Variants in PPP1R1C observed in about 807,000 individuals in gnomAD.
PPP1R1C encodes protein phosphatase 1 regulatory inhibitor subunit 1C, also known as protein phosphatase 1 regulatory subunit 1C.
PPP1R1C carries 15 observed loss-of-function variants against 17.4 expected under a neutral mutation model. The ratio of observed to expected loss-of-function variants is 0.86; its 90% CI spans 0.58 to 1.33. The LOEUF (loss-of-function observed/expected upper bound fraction) is 1.33. Among genes scored for constraint, PPP1R1C ranks in the 40% most tolerant of loss-of-function variants. PPP1R1C has a pLI of 0.00. For synonymous variants in PPP1R1C, 35 were observed against 43.1 expected (o/e 0.81, Z 0.73); for missense variants, 143 against 130.0 (o/e 1.10, Z -0.48).
In PPP1R1C at chr2:182,040,669, T is replaced by C. The variant is rs141258030; in HGVS notation, c.143-20773T>C. The stretch of plus-strand genomic sequence containing the variant: ...AGCTTTTTGGTTTAAATAAATCCCA[T>C]TTATATATTTTTGTTTTTGTTGCAT... On this transcript the variant is annotated intron_variant, in intron 2 of 4. Coordinates refer to ENST00000682840, the MANE Select transcript of PPP1R1C (RefSeq NM_001080545.3). Among the ~76,000 whole-genome samples, 174 of 152,318 alleles carry C rather than the reference T, an allele frequency of 1.1e-3. 4 individuals carry two copies. The East Asian group carries it at 0.024, about 21-fold the overall frequency.
At chr2:181,996,446 G>A (rs1685615138) in intron 2 of PPP1R1C, among the ~76,000 whole-genome samples, 1 of 152,132 alleles carries the variant, frequency 6.6e-6, no homozygotes. Context: ...GTTGGAAAAT[G>A]TTACACCTAT....
At chr2:182,111,440 T>A (rs1446849111) in intron 4 of PPP1R1C, among the ~76,000 whole-genome samples, 1 of 152,166 alleles carries the variant, frequency 6.6e-6, no homozygotes, top group Admixed American at 6.6e-5. Context: ...TGTCTACATA[T>A]AATTTACGTC....
At chr2:181,998,813 A>G (rs1328185839) in intron 2 of PPP1R1C, among the ~76,000 whole-genome samples, 1 of 152,178 alleles carries the variant, frequency 6.6e-6, no homozygotes, top group Non-Finnish European at 1.5e-5. Context: ...AAGAATATCC[A>G]CTCTTTCTTC....
chr2:182,066,994 G>A (rs530140591), intron 4 of PPP1R1C, among the ~76,000 whole-genome samples: 1 of 149,194 alleles, frequency 6.7e-6, no homozygotes, highest in East Asian at 2.0e-4. Context: ...GTGTGTGTGT[G>A]TTTTACTGGA....
intron 2 of PPP1R1C, among the ~76,000 whole-genome samples, chr2:182,037,083 A>T (rs559977682): frequency 6.6e-6 from 1 of 152,338 alleles, no homozygotes; most frequent in South Asian, 2.1e-4. Flanking sequence ...CATATACATA[A>T]AATAGCTTTT....
intron 2 of PPP1R1C, among the ~76,000 whole-genome samples, chr2:182,017,853 G>C (rs1343912572): frequency 1.3e-5 from 2 of 152,030 alleles, no homozygotes; most frequent in Non-Finnish European, 2.9e-5. Flanking sequence ...TGTTGAAAAA[G>C]CTCTAGATTT....
intron 4 of PPP1R1C, among the ~76,000 whole-genome samples, chr2:182,076,703 A>G (rs943936102): frequency 6.6e-6 from 1 of 152,160 alleles, no homozygotes; most frequent in Non-Finnish European, 1.5e-5. Flanking sequence ...ATTTTCTTCA[A>G]AATACTTTTC....
intron 2 of PPP1R1C, among the ~76,000 whole-genome samples, chr2:182,045,176 T>C (rs1280122073): frequency 2.0e-5 from 3 of 152,196 alleles, no homozygotes; most frequent in South Asian, 2.1e-4. Flanking sequence ...TGCATGAAGG[T>C]TAAGATTTTC....
intron 2 of PPP1R1C, among the ~76,000 whole-genome samples, chr2:182,008,414 G>C (rs2125153633): frequency 6.6e-6 from 1 of 152,262 alleles, no homozygotes; most frequent in East Asian, 1.9e-4. Context: ...GTAGTGTAAA[G>C]CAAGAAGGTT....
intron 4 of PPP1R1C, among the ~76,000 whole-genome samples, chr2:182,077,202 G>T (rs1265897101): frequency 6.7e-6 from 1 of 149,670 alleles, no homozygotes. Flanking sequence ...TTTCAGATAT[G>T]TAAACATTGC....
intron 2 of PPP1R1C, among the ~76,000 whole-genome samples, chr2:182,025,297 C>T (rs1283907128): frequency 2.4e-4 from 34 of 143,438 alleles, no homozygotes; most frequent in East Asian, 1.6e-3. Context: ...CATGCTGGTG[C>T]GCTGCACCCA....
intron 4 of PPP1R1C, among the ~76,000 whole-genome samples, chr2:182,099,533 A>T (rs891797698): frequency 4.6e-5 from 7 of 152,218 alleles, no homozygotes; most frequent in Non-Finnish European, 1.0e-4. Flanking sequence ...AATTTAGGCA[A>T]GTGGGAGAAT....
At chr2:182,004,657 G>A (rs1013888419) in intron 2 of PPP1R1C, among the ~76,000 whole-genome samples, 2 of 152,208 alleles carry the variant, frequency 1.3e-5, no homozygotes, top group Admixed American at 1.3e-4. Context: ...TGCCATGTTG[G>A]CAGGCATTGT....
In PPP1R1C at chr2:181,961,782, CA is replaced by C. The variant is rs911251430; in HGVS notation, n.111+7150del. 15 of 1,314,806 alleles carry C rather than the reference CA, an allele frequency of 1.1e-5. No individual in the cohort carries two copies. The highest frequency in any genetic ancestry group is 1.6e-5 in the Non-Finnish European group (15 of 919,392). The allele number at this position is 1,314,806 out of a possible 1,614,324, so 81.4% of individuals were successfully genotyped here. A position where few individuals can be genotyped will look rare whatever the true frequency, so the allele number is the denominator to read the frequency against. Reference sequence around the variant, plus strand: ...ATTTGGGGGCATCTACCTCCACGGTCAACTCAGAGCTGGCAATCTGGGCTTG... The same window carrying C: ...ATTTGGGGGCATCTACCTCCACGGTCACTCAGAGCTGGCAATCTGGGCTTG... On this transcript the variant is annotated intron_variant and non_coding_transcript_variant, in intron 1 of 5. Coordinates refer to the PPP1R1C transcript ENST00000464264. This position sits in a 1 kb window ranked among gnomAD's most constrained non-coding sequence, Gnocchi z 5.8.
chr2:181,985,453 A>G (rs1023923109), upstream of PPP1R1C, among the ~76,000 whole-genome samples: 4 of 152,200 alleles, frequency 2.6e-5, no homozygotes, highest in African/African-American at 9.6e-5. The surrounding 1 kb of genome is among the most constrained non-coding windows in gnomAD (Gnocchi z 4.1). Flanking sequence ...TCTGCCTCCT[A>G]GGATGAGTTT....
chr2:182,009,242 C>A (rs1686018190), intron 2 of PPP1R1C, among the ~76,000 whole-genome samples: 1 of 152,082 alleles, frequency 6.6e-6, no homozygotes, highest in Admixed American at 6.5e-5. Context: ...TTTACATTCC[C>A]ACCAGCAGCA....
At chr2:182,107,788 T>C (rs1264553141) in intron 4 of PPP1R1C, among the ~76,000 whole-genome samples, 1 of 152,162 alleles carries the variant, frequency 6.6e-6, no homozygotes, top group African/African-American at 2.4e-5. Context: ...GCTTGCTTTC[T>C]ACTTTGAGAA....
downstream of PPP1R1C, among the ~76,000 whole-genome samples, chr2:182,119,845 A>AT (rs1490422158): frequency 2.6e-5 from 4 of 152,040 alleles, no homozygotes; most frequent in Admixed American, 2.6e-4. Flanking sequence ...ATGTTCTCCC[A>AT]TTTTGTAGGT....
chr2:182,078,104 C>A (rs565354403), intron 4 of PPP1R1C, among the ~76,000 whole-genome samples: 2 of 152,102 alleles, frequency 1.3e-5, no homozygotes, highest in Non-Finnish European at 2.9e-5. Flanking sequence ...CGCTTGAGCC[C>A]GGGTGGCAGA....
Sources: gnomAD v4.1 joint callset for allele counts (sites outside exome capture counted in the v4.1 genomes callset) on GRCh38, gnomAD v4.1.1 for gene constraint, Gnocchi (gnomAD v3.1) non-coding constraint, MANE v1.5 for transcripts, NCBI Gene and HGNC (gene_info 2026-07-23, HGNC 2026-07-21) for gene names.